Variants in PRKCB observed in about 807,000 individuals in gnomAD.
PRKCB encodes protein kinase C beta.
PRKCB carries 13 observed loss-of-function variants against 81.5 expected under a neutral mutation model. The observed-to-expected ratio is 0.16, with a 90% confidence interval of 0.10 to 0.25. The LOEUF (loss-of-function observed/expected upper bound fraction) is 0.25, where lower values mean the gene tolerates loss of function less well. Among genes scored for constraint, PRKCB ranks in the 10% least tolerant of loss-of-function variants. PRKCB has a pLI of 1.00. For missense variants in PRKCB, 509 were observed against 875.7 expected (o/e 0.58, Z 5.29); for synonymous variants, 335 against 321.4 (o/e 1.04, Z -0.45).
At chr16:24,040,851 C>T (rs546730324) in intron 5 of PRKCB, among the ~76,000 whole-genome samples, 14 of 152,196 alleles carry the variant, frequency 9.2e-5, no homozygotes, top group African/African-American at 3.1e-4. Flanking sequence ...GACTGAGACC[C>T]GCTTGTTGGA....
intron 2 of PRKCB, among the ~76,000 whole-genome samples, chr16:23,863,614 T>C (rs908620688): frequency 6.6e-6 from 1 of 152,204 alleles, no homozygotes; most frequent in Non-Finnish European, 1.5e-5. Context: ...GCATTTTGAA[T>C]GCAGTTTCAT....
intron 2 of PRKCB, among the ~76,000 whole-genome samples, chr16:23,878,322 T>A (rs1963049548): frequency 6.6e-6 from 1 of 152,208 alleles, no homozygotes; most frequent in Non-Finnish European, 1.5e-5. Context: ...AAAGACACCT[T>A]AATATATATT....
rs568691185 is a variant in PRKCB, at chr16:24,058,631, T to C, written c.529+23084T>C. Among the ~76,000 whole-genome samples the C allele has an allele frequency of 5.8e-4, 88 of 152,262 alleles. 1 individual carries two copies. Among genetic ancestry groups the C allele is most frequent in the African/African-American group, 1.9e-3 (79 of 41,542 alleles). On this transcript the variant is annotated intron_variant, in intron 5 of 16. Coordinates refer to ENST00000643927, the MANE Select transcript of PRKCB (RefSeq NM_002738.7). ...ATAAATAGTTAAAAAGTTGGACTTCTAGGCTGAAGTGTAACCACATGAGAG... is the reference window on the plus strand; with the variant it reads ...ATAAATAGTTAAAAAGTTGGACTTCCAGGCTGAAGTGTAACCACATGAGAG...
chr16:24,171,367 G>A (rs1037491593), intron 10 of PRKCB, among the ~76,000 whole-genome samples: 1 of 152,204 alleles, frequency 6.6e-6, no homozygotes, highest in South Asian at 2.1e-4. Context: ...ATGGCGGCAG[G>A]CTTCCCAAAA....
At chr16:23,942,766 A>T (rs1301454314) in intron 2 of PRKCB, among the ~76,000 whole-genome samples, 1 of 152,046 alleles carries the variant, frequency 6.6e-6, no homozygotes, top group Non-Finnish European at 1.5e-5. Context: ...AGCTCCCTTG[A>T]CTCTTTGAAA....
intron 2 of PRKCB, among the ~76,000 whole-genome samples, chr16:23,985,634 AG>A (rs1256066229): frequency 6.6e-6 from 1 of 152,208 alleles, no homozygotes; most frequent in Non-Finnish European, 1.5e-5. Flanking sequence ...TTTCAATCAA[AG>A]TCCCAATCAT....
At chr16:23,918,281 G>A (rs1963773046) in intron 2 of PRKCB, among the ~76,000 whole-genome samples, 3 of 152,092 alleles carry the variant, frequency 2.0e-5, no homozygotes, top group Non-Finnish European at 4.4e-5. Context: ...TCACAGAGTA[G>A]GTGAGGTCTA....
At chr16:23,988,958 ATTATTATTT>A (rs578142363) in intron 3 of PRKCB, among the ~76,000 whole-genome samples, 342 of 151,778 alleles carry the variant, frequency 2.3e-3, no homozygotes, top group African/African-American at 8.1e-3. Context: ...TGTTATTGTT[ATTATTATTT>A]TTATTATTTT....
At chr16:24,067,489 G>A (rs959114037) in intron 5 of PRKCB, among the ~76,000 whole-genome samples, 2 of 152,022 alleles carry the variant, frequency 1.3e-5, no homozygotes, top group Admixed American at 1.3e-4. Context: ...TGTAGAGATG[G>A]GGTTTTACTA....
At chr16:24,036,815 T>G (rs1261194429) in intron 5 of PRKCB, among the ~76,000 whole-genome samples, 1 of 152,114 alleles carries the variant, frequency 6.6e-6, no homozygotes, top group Non-Finnish European at 1.5e-5. Flanking sequence ...CTGATTGAGG[T>G]TCCCGATGCT....
intron 10 of PRKCB, among the ~76,000 whole-genome samples, chr16:24,157,700 T>G (rs1383910963): frequency 2.0e-5 from 3 of 149,240 alleles, no homozygotes. Flanking sequence ...GGCAGTCACC[T>G]CCATGCTAGT....
At chr16:23,940,506 G>A (rs1279617905) in intron 2 of PRKCB, among the ~76,000 whole-genome samples, 1 of 151,970 alleles carries the variant, frequency 6.6e-6, no homozygotes, top group Non-Finnish European at 1.5e-5. Flanking sequence ...TATAGTGTTA[G>A]GATATATAAA....
chr16:23,891,002 C>CATGTGT (rs1426130474), intron 2 of PRKCB, among the ~76,000 whole-genome samples: 1 of 147,764 alleles, frequency 6.8e-6, no homozygotes, highest in African/African-American at 2.5e-5. Flanking sequence ...ATATATAATG[C>CATGTGT]GTGTGTGTGT....
rs926238236 is a variant in PRKCB, at chr16:24,086,981, G to C, written c.530-5810G>C. On this transcript the variant is annotated intron_variant, in intron 5 of 16. Transcript: ENST00000643927. The stretch of plus-strand genomic sequence containing the variant: ...AGAAATTTCTGTATACACTTTACCT[G>C]ATGTACTAATTGTTTATATTTTGCT... Among the ~76,000 whole-genome samples the C allele has an allele frequency of 9.9e-5, 15 of 152,036 alleles. 1 individual carries two copies. The highest frequency in any genetic ancestry group is 3.9e-4 in the Admixed American group (6 of 15,264).
At position 24,071,177 on chromosome 16, in the gene PRKCB, G is replaced by A. The variant is rs557208530; in HGVS notation, c.530-21614G>A. Among the ~76,000 whole-genome samples, 7 of 152,122 alleles carry A rather than the reference G, an allele frequency of 4.6e-5. No individual in the cohort carries two copies. The East Asian group carries it at 7.7e-4, about 17-fold the overall frequency. Reference sequence around the variant, plus strand: ...GATAGGGGAGGAGCTTAATGACCTCGTCTTCATGATATACCCTAAGCATTC... The same window carrying A: ...GATAGGGGAGGAGCTTAATGACCTCATCTTCATGATATACCCTAAGCATTC... On this transcript the variant is annotated intron_variant, in intron 5 of 16. Coordinates refer to ENST00000643927, the MANE Select transcript of PRKCB (RefSeq NM_002738.7).
chr16:24,178,988 A>G (rs141851269), intron 12 of PRKCB, among the ~76,000 whole-genome samples: 5 of 152,144 alleles, frequency 3.3e-5, no homozygotes, highest in Admixed American at 2.0e-4. Context: ...ACATTTTATC[A>G]CCCTCCCTCT....
chr16:23,999,721 A>C (rs1340541184), intron 3 of PRKCB, among the ~76,000 whole-genome samples: 1 of 152,182 alleles, frequency 6.6e-6, no homozygotes, highest in Non-Finnish European at 1.5e-5. Context: ...CAGCACTCAG[A>C]ATACTGACCA....
chr16:23,897,758 A>G (rs1963402530), intron 2 of PRKCB, among the ~76,000 whole-genome samples: 1 of 152,072 alleles, frequency 6.6e-6, no homozygotes, highest in Non-Finnish European at 1.5e-5. Flanking sequence ...CACTCTATAT[A>G]TCTTTAAAGT....
intron 12 of PRKCB, among the ~76,000 whole-genome samples, chr16:24,176,233 G>A (rs1264309365): frequency 1.3e-5 from 2 of 152,102 alleles, no homozygotes; most frequent in East Asian, 3.9e-4. Context: ...AGAAGGTCAA[G>A]AAGAGGAGTG....
Sources: allele counts gnomAD v4.1 joint callset (sites outside exome capture counted in the v4.1 genomes callset), GRCh38; gene constraint gnomAD v4.1.1; transcripts MANE v1.5; gene names NCBI Gene and HGNC (gene_info 2026-07-23, HGNC 2026-07-21).